Variants in SLC1A3 observed in about 807,000 individuals in gnomAD.
SLC1A3 encodes the protein excitatory amino acid transporter 1.
In SLC1A3, 21 loss-of-function variants were observed where a neutral mutation model predicts 48.1. That is an observed-to-expected ratio of 0.44 (90% CI 0.31 to 0.63). The LOEUF (loss-of-function observed/expected upper bound fraction) is 0.63, where lower values mean the gene tolerates loss of function less well. Among genes scored for constraint, SLC1A3 ranks in the 20% least tolerant of loss-of-function variants. The probability of loss-of-function intolerance (pLI) is 0.08; values close to 1 mark genes in which losing one functional copy is unlikely to be tolerated. For synonymous variants in SLC1A3, 239 were observed against 251.4 expected, an observed-to-expected ratio of 0.95 and a Z score of 0.47; for missense variants, 546 against 689.0, an observed-to-expected ratio of 0.79 and a Z score of 2.32.
rs898225401 is a variant in SLC1A3, at chr5:36,608,685, G to A, written c.181+81G>A. The A allele has an allele frequency of 5.0e-6, 8 of 1,584,988 alleles. No homozygotes were observed. In the African/African-American group the frequency reaches 9.5e-5, roughly 19 times the overall value. ...GGCTGCCCGGGGAATATTATCAGAT[G>A]AACTAGTTGTAGGTATCAAAATGGT... On this transcript the variant is annotated intron_variant, in intron 2 of 9. Transcript: ENST00000265113.
intron 1 of SLC1A3, among the ~76,000 whole-genome samples, chr5:36,597,522 G>C (rs913224278): frequency 6.6e-6 from 1 of 152,026 alleles, no homozygotes; most frequent in Non-Finnish European, 1.5e-5. Context: ...GATTACAGGC[G>C]TGAGCCACCG....
chr5:36,629,354 C>A, intron 2 of SLC1A3, 96 bp from the exon 3 acceptor site: 2 of 1,076,040 alleles, frequency 1.9e-6, no homozygotes, highest in Non-Finnish European at 1.4e-6. Flanking sequence ...ATAAATACAA[C>A]CACCAGCCAA....
chr5:36,679,625 AG>A lies in SLC1A3; in HGVS notation c.861del. ...AACCGTGCTGGTGTTGCTTCTCCCC[AG>A]GTATGCCCCCGTGGGTATTCTCTTC... On this transcript the variant is annotated splice_acceptor_variant, in intron 6 of 9. Coordinates refer to ENST00000265113, the MANE Select transcript of SLC1A3 (RefSeq NM_004172.5). LOFTEE classifies it high-confidence loss of function. 6.2e-7 allele frequency: 1 copy of A among 1,607,784 alleles called. No homozygotes were observed. Among genetic ancestry groups the A allele is most frequent in the Non-Finnish European group, 8.5e-7 (1 of 1,174,336 alleles).
chr5:36,620,723 C>CA (rs1318473664), intron 2 of SLC1A3, among the ~76,000 whole-genome samples: 1 of 151,808 alleles, frequency 6.6e-6, no homozygotes, highest in African/African-American at 2.4e-5. Flanking sequence ...CCAAAAAAAC[C>CA]AAAAAAAGTT....
chr5:36,609,283 G>A lies in SLC1A3; in HGVS notation c.181+679G>A, dbSNP rs549008057. 6.0e-4 allele frequency: 556 copies of A among 926,052 alleles called. 13 individuals carry two copies. In the South Asian group the frequency reaches 0.022, roughly 37 times the overall value. The allele number at this position is 926,052 out of a possible 1,614,324, so 57.4% of individuals were successfully genotyped here. ...TAATAAAATATTATTGTTTTGTTTTGTTTATTGATCTTAAAAGTTATAGTT... is the reference window on the plus strand; with the variant it reads ...TAATAAAATATTATTGTTTTGTTTTATTTATTGATCTTAAAAGTTATAGTT... On this transcript the variant is annotated intron_variant, in intron 2 of 9. Transcript: ENST00000265113.
chr5:36,664,193 G>T lies in SLC1A3; in HGVS notation c.320-6836G>T, dbSNP rs142695700. ...TTTTTGCCCAGGCTGGAGTGCAATGGCATGATCTCAGCTCACTGCAACCTC... is the reference window on the plus strand; with the variant it reads ...TTTTTGCCCAGGCTGGAGTGCAATGTCATGATCTCAGCTCACTGCAACCTC... On this transcript the variant is annotated intron_variant, in intron 3 of 9. Transcript: ENST00000265113. Among the ~76,000 whole-genome samples the T allele has an allele frequency of 3.3e-4, 50 of 152,304 alleles. 1 individual carries two copies. The East Asian group carries it at 8.5e-3, about 26-fold the overall frequency.
intron 2 of SLC1A3, among the ~76,000 whole-genome samples, chr5:36,610,417 C>A (rs911464238): frequency 6.6e-6 from 1 of 152,146 alleles, no homozygotes; most frequent in Non-Finnish European, 1.5e-5. Flanking sequence ...AATTCATGAT[C>A]CTATACGTAT....
intron 2 of SLC1A3, among the ~76,000 whole-genome samples, chr5:36,611,740 T>C (rs1323473596): frequency 6.6e-6 from 1 of 152,212 alleles, no homozygotes; most frequent in Non-Finnish European, 1.5e-5. Context: ...AGAGTGGTTA[T>C]TGTCTTTCTT....
intron 1 of SLC1A3, among the ~76,000 whole-genome samples, chr5:36,599,116 G>C (rs2111627863): frequency 6.6e-6 from 1 of 152,220 alleles, no homozygotes; most frequent in East Asian, 1.9e-4. Context: ...GTGCTCAATG[G>C]TTACATGTGG....
intron 1 of SLC1A3, among the ~76,000 whole-genome samples, chr5:36,599,530 G>C (rs1738782524): frequency 2.2e-4 from 1 of 4,502 alleles, no homozygotes; most frequent in South Asian, 8.8e-3. Flanking sequence ...TTTTTTTTGA[G>C]ACGGAGTCTC....
upstream of SLC1A3, among the ~76,000 whole-genome samples, chr5:36,604,827 C>T (rs1476619179): frequency 6.7e-6 from 1 of 149,690 alleles, no homozygotes; most frequent in African/African-American, 2.4e-5. Context: ...GGGCTTGAAA[C>T]CCCATTTAAA....
At chr5:36,619,135 T>C (rs1004762459) in intron 2 of SLC1A3, among the ~76,000 whole-genome samples, 6 of 151,996 alleles carry the variant, frequency 3.9e-5, no homozygotes, top group Non-Finnish European at 7.4e-5. Flanking sequence ...CAACAGGAAA[T>C]ACCAAAGGAC....
intron 8 of SLC1A3, 66 bp downstream of exon 8, chr5:36,680,655 C>A (rs1322334022): frequency 1.5e-6 from 2 of 1,377,808 alleles, no homozygotes; most frequent in Non-Finnish European, 2.1e-6. Context: ...TGGTGGCTCA[C>A]GCCTGTAATC....
At chr5:36,603,665 C>A (rs2111633511), upstream of SLC1A3, among the ~76,000 whole-genome samples, 1 of 152,220 alleles carries the variant, frequency 6.6e-6, no homozygotes, top group African/African-American at 2.4e-5. Context: ...AAATGGAAGA[C>A]AACTACCACA....
intron 3 of SLC1A3, among the ~76,000 whole-genome samples, chr5:36,667,066 T>C (rs1741779852): frequency 1.3e-5 from 2 of 152,244 alleles, no homozygotes. Flanking sequence ...AGAAATAGGT[T>C]TGGAGAAATG....
At chr5:36,600,718 G>C (rs984051461) in intron 1 of SLC1A3, among the ~76,000 whole-genome samples, 5 of 152,152 alleles carry the variant, frequency 3.3e-5, no homozygotes, top group Admixed American at 6.5e-5. Flanking sequence ...CATTCTGAAG[G>C]CTTTCTTCCC....
At chr5:36,644,026 T>G (rs867011918) in intron 3 of SLC1A3, among the ~76,000 whole-genome samples, 1 of 93,908 alleles carries the variant, frequency 1.1e-5, no homozygotes, top group African/African-American at 3.1e-5. Context: ...AATAAATAAA[T>G]AAATAAATAA....
intron 3 of SLC1A3, among the ~76,000 whole-genome samples, chr5:36,641,148 T>C (rs1187320203): frequency 6.6e-6 from 1 of 152,210 alleles, no homozygotes; most frequent in African/African-American, 2.4e-5. Flanking sequence ...ACATCTTTAG[T>C]ATAGGATGAT....
intron 2 of SLC1A3, among the ~76,000 whole-genome samples, chr5:36,613,888 GA>G (rs1010784944): frequency 1.8e-4 from 28 of 151,852 alleles, no homozygotes; most frequent in East Asian, 3.9e-4. Flanking sequence ...TCCCCTGGGG[GA>G]AAAAAAATAC....
Sources: gnomAD v4.1 joint callset for allele counts (sites outside exome capture counted in the v4.1 genomes callset) on GRCh38, gnomAD v4.1.1 for gene constraint, MANE v1.5 for transcripts, NCBI Gene and HGNC (gene_info 2026-07-23, HGNC 2026-07-21) for gene names.